UBE4B: variants seen among roughly 807,000 people sequenced by gnomAD.
UBE4B encodes the protein ubiquitin conjugation factor E4 B.
UBE4B carries 27 observed loss-of-function variants against 148.1 expected under a neutral mutation model. The observed-to-expected ratio is 0.18, with a 90% CI of 0.13 to 0.25. The LOEUF is 0.25. UBE4B is among the 10% of genes least tolerant of loss of function. The pLI is 1.00. For synonymous variants in UBE4B, 596 were observed against 619.3 expected (o/e 0.96, Z 0.56); for missense variants, 1,170 against 1,662.4 (o/e 0.70, Z 5.15).
In UBE4B at chr1:10,065,131, A is replaced by G. The variant is rs188617016; in HGVS notation, c.25-6897A>G. Among the ~76,000 whole-genome samples, 78 of 152,248 alleles carry G rather than the reference A, an allele frequency of 5.1e-4. 2 individuals carry two copies. The East Asian group carries it at 0.013, about 24-fold the overall frequency. On this transcript the variant is annotated intron_variant, in intron 1 of 27. Transcript: ENST00000343090. ...GATTCATCAGTTTATTTTTTGTTAC[A>G]TTCACTTTGTCTGTATATAAATGTG...
intron 1 of UBE4B, among the ~76,000 whole-genome samples, chr1:10,061,059 GT>G (rs1644275301): frequency 6.6e-6 from 1 of 151,354 alleles, no homozygotes; most frequent in Admixed American, 6.6e-5. Context: ...TCCACCTTCT[GT>G]TTTCTGTTTT....
intron 17 of UBE4B, among the ~76,000 whole-genome samples, chr1:10,139,650 GA>G (rs1231392708): frequency 6.6e-6 from 1 of 152,162 alleles, no homozygotes; most frequent in Non-Finnish European, 1.5e-5. Context: ...GTTTTGGCAT[GA>G]AGTTGTTCAT....
At position 10,097,199 on chromosome 1, in the gene UBE4B, C is replaced by T. The variant is rs141721679; in HGVS notation, c.347+1603C>T. Among the ~76,000 whole-genome samples the T allele has an allele frequency of 8.7e-3, 1,323 of 151,892 alleles. 79 individuals are homozygous for T. The highest frequency in any genetic ancestry group is 0.08 in the Admixed American group (1,224 of 15,236). On this transcript the variant is annotated intron_variant, in intron 3 of 27. Transcript: ENST00000343090. ...AAAGAGCTGAGGAAATTACCCAGAA[C>T]GTACCACAAAGAACAAAGCAGATGA...
chr1:10,171,170 C>T lies in UBE4B; in HGVS notation c.3366C>T (p.Asn1122=). 1.2e-6 allele frequency: 2 copies of T among 1,614,156 alleles called. No homozygotes were observed. Among genetic ancestry groups the T allele is most frequent in the South Asian group, 1.1e-5 (1 of 91,078 alleles). Residue 1122 remains asparagine, a synonymous_variant, in exon 25 of 28, where the codon AAC becomes AAT. Transcript: ENST00000343090. ...GACCCCGATTGGCTGCAATGCTGAA[C>T]TTTAATCTTCAGCAACTTTGTGGCC... The part of the protein sequence containing the change: ...ELGPRLAAML[N]FNLQQLCGPK...
intron 19 of UBE4B, among the ~76,000 whole-genome samples, chr1:10,147,823 C>A (rs1296638088): frequency 1.3e-5 from 2 of 152,138 alleles, no homozygotes; most frequent in African/African-American, 2.4e-5. Flanking sequence ...CCAGGCAAAC[C>A]ATTTTTGTTT....
intron 19 of UBE4B, among the ~76,000 whole-genome samples, chr1:10,148,502 G>A (rs1440827078): frequency 2.0e-5 from 3 of 149,704 alleles, no homozygotes; most frequent in African/African-American, 7.4e-5. Context: ...TGTGGTGGTG[G>A]GCGCCTGTAA....
chr1:10,108,716 T>C (rs1645164252), intron 7 of UBE4B, among the ~76,000 whole-genome samples: 1 of 152,218 alleles, frequency 6.6e-6, no homozygotes, highest in Admixed American at 6.5e-5. Flanking sequence ...CAAGGTTGAA[T>C]ATTGATTCAG....
At chr1:10,148,246 G>A (rs907268465) in intron 19 of UBE4B, among the ~76,000 whole-genome samples, 14 of 151,572 alleles carry the variant, frequency 9.2e-5, no homozygotes, top group South Asian at 6.3e-4. Context: ...AAAAATGTGT[G>A]TAGCTCTGTT....
At chr1:10,154,597 G>T (rs948836679) in intron 21 of UBE4B, among the ~76,000 whole-genome samples, 4 of 152,072 alleles carry the variant, frequency 2.6e-5, no homozygotes, top group Non-Finnish European at 2.9e-5. Context: ...CAGCACTTTG[G>T]GAGGCTGAGG....
At chr1:10,068,584 C>T (rs894785746) in intron 1 of UBE4B, among the ~76,000 whole-genome samples, 7 of 151,548 alleles carry the variant, frequency 4.6e-5, no homozygotes, top group Non-Finnish European at 7.4e-5. Context: ...CTCCTGACCT[C>T]GGGCCATCTG....
intron 1 of UBE4B, among the ~76,000 whole-genome samples, chr1:10,038,251 G>T (rs1020056074): frequency 1.3e-5 from 2 of 150,266 alleles, no homozygotes; most frequent in African/African-American, 4.9e-5. Flanking sequence ...CTACACTCCA[G>T]CCTGGGCAAC....
intron 10 of UBE4B, among the ~76,000 whole-genome samples, chr1:10,126,302 T>TATAGATAGATAG (rs71583842): frequency 2.3e-4 from 34 of 147,256 alleles, no homozygotes; most frequent in East Asian, 6.0e-4. Flanking sequence ...TCCGTCTCAA[T>TATAGATAGATAG]ATAGATAGAT....
In UBE4B at chr1:10,106,415, G is replaced by C; in HGVS notation, c.1028G>C (p.Gly343Ala). The change falls in exon 7 of 28, where the codon GGC (glycine) becomes GCC (alanine). Residue 343 changes from glycine to alanine, a missense_variant. Physicochemically the swap from Gly to Ala is moderately conservative, Grantham distance 60. This residue lies in a region of UBE4B where 214 missense variants were observed against 209.1 expected (regional missense o/e 1.02). Coordinates refer to ENST00000343090, the MANE Select transcript of UBE4B (RefSeq NM_001105562.3). This position sits in a 1 kb window ranked among gnomAD's most constrained non-coding sequence, Gnocchi z 4.2. ...GTCACTCACCCATGGGCGTCCTCAG[G>C]CGTCTCCATTCTGTCGAGCTCCCCA... ...YTVTHPWASS[G>A]VSILSSSPSP... The C allele has an allele frequency of 6.2e-7, 1 of 1,613,712 alleles. No individual in the cohort carries two copies. The highest frequency in any genetic ancestry group is 8.5e-7 in the Non-Finnish European group (1 of 1,179,810).
intron 20 of UBE4B, among the ~76,000 whole-genome samples, chr1:10,149,945 T>C (rs1234445860): frequency 6.6e-6 from 1 of 152,078 alleles, no homozygotes. Context: ...TCAAGACCAG[T>C]CTGGGCAATG....
intron 1 of UBE4B, among the ~76,000 whole-genome samples, chr1:10,051,309 T>A (rs1258517167): frequency 1.3e-5 from 2 of 151,998 alleles, no homozygotes; most frequent in East Asian, 3.9e-4. Flanking sequence ...TTAATTGGAG[T>A]GATGTGAAGT....
intron 2 of UBE4B, 72 bp downstream of exon 2, chr1:10,072,286 T>A (rs1644500186): frequency 1.3e-6 from 2 of 1,538,546 alleles, no homozygotes; most frequent in Non-Finnish European, 1.8e-6. Flanking sequence ...ATGGTTGTGA[T>A]GTTTCCAGAA....
Position 10,180,024 on chromosome 1 carries a change from C to T in UBE4B, c.*68C>T, listed in dbSNP as rs1646484018. On this transcript the variant is annotated 3_prime_UTR_variant, in exon 28 of 28. Coordinates refer to ENST00000343090, the MANE Select transcript of UBE4B (RefSeq NM_001105562.3). ...ACGAGGCAAGCAGAAGCAGCGGCCG[C>T]AGCGAAGCTGCCGTTCATGTGTTGG... is the stretch of plus-strand genomic sequence containing the variant. 18 of 1,600,122 alleles carry T rather than the reference C, an allele frequency of 1.1e-5. No homozygotes were observed. Among genetic ancestry groups the T allele is most frequent in the Non-Finnish European group, 1.5e-5 (18 of 1,170,888 alleles).
intron 10 of UBE4B, 138 bp from the exon 11 acceptor site, chr1:10,126,656 A>T: frequency 1.5e-6 from 1 of 689,584 alleles, no homozygotes; most frequent in Non-Finnish European, 2.5e-6. Context: ...GCTGAATTCT[A>T]GACTTTTATA....
chr1:10,082,139 T>C (rs1644692621), intron 2 of UBE4B, among the ~76,000 whole-genome samples: 1 of 152,196 alleles, frequency 6.6e-6, no homozygotes, highest in Non-Finnish European at 1.5e-5. Context: ...ACATATTTAT[T>C]TAAATCTCCC....
Sources: allele counts gnomAD v4.1 joint callset (sites outside exome capture counted in the v4.1 genomes callset), GRCh38; gene constraint gnomAD v4.1.1; regional missense constraint gnomAD v4.1.1; non-coding constraint Gnocchi (gnomAD v3.1); transcripts MANE v1.5; gene names NCBI Gene and HGNC (gene_info 2026-07-23, HGNC 2026-07-21).